Variants in PLEKHD1 observed in about 807,000 individuals in gnomAD.
PLEKHD1 encodes pleckstrin homology and coiled-coil domain containing D1.
Under a neutral mutation model 69.2 loss-of-function variants are expected in PLEKHD1, and 51 were observed. The observed-to-expected ratio is 0.74, with a 90% CI of 0.59 to 0.93. The LOEUF (loss-of-function observed/expected upper bound fraction) is 0.93, where lower values mean the gene tolerates loss of function less well. Among genes scored for constraint, PLEKHD1 ranks in the 40% least tolerant of loss-of-function variants. The pLI, the probability that PLEKHD1 is intolerant of heterozygous loss-of-function variation, is 0.00. For synonymous variants in PLEKHD1, 236 were observed against 244.7 expected (o/e 0.96, Z 0.33); for missense variants, 584 against 641.0 (o/e 0.91, Z 0.96).
At chr14:69,472,329 C>A in the PLEKHD1 span, among the ~76,000 whole-genome samples, 1 of 152,182 alleles carries the variant, frequency 6.6e-6, no homozygotes. Flanking sequence ...AAGTAAGCAA[C>A]CTTGAGTCTT....
upstream of PLEKHD1, among the ~76,000 whole-genome samples, chr14:69,484,447 G>A (rs1234630508): frequency 6.6e-6 from 1 of 152,192 alleles, no homozygotes; most frequent in Non-Finnish European, 1.5e-5. Context: ...TGCTCGCCGA[G>A]AGGGACCCCG....
chr14:69,498,033 T>TTTTAA (rs1882925072), intron 1 of PLEKHD1, among the ~76,000 whole-genome samples: 1 of 135,422 alleles, frequency 7.4e-6, no homozygotes. Context: ...TTTTATTTTG[T>TTTTAA]TTTATTTTAT....
chr14:69,520,633 G>A (rs535498177), intron 6 of PLEKHD1, among the ~76,000 whole-genome samples: 7 of 152,252 alleles, frequency 4.6e-5, no homozygotes, highest in Non-Finnish European at 1.0e-4. Flanking sequence ...GGAGGCTGGA[G>A]CAGGAGAATT....
chr14:69,509,104 A>G (rs1883215648), intron 6 of PLEKHD1, among the ~76,000 whole-genome samples: 1 of 152,104 alleles, frequency 6.6e-6, no homozygotes, highest in Non-Finnish European at 1.5e-5. Flanking sequence ...AACACAAGTG[A>G]TCCTCCCACT....
Position 69,526,741 on chromosome 14 carries a change from G to T in PLEKHD1, c.968G>T (p.Arg323Leu). 1 of 1,547,696 alleles carries T rather than the reference G, an allele frequency of 6.5e-7. No individual in the cohort carries two copies. Among genetic ancestry groups the T allele is most frequent in the South Asian group, 1.2e-5 (1 of 83,684 alleles). The stretch of plus-strand genomic sequence containing the variant: ...CGCTCACGGGCCCTGGAGGAGGAGC[G>T]TGAGTTCTACTCCAGCCAGTCCCAG... Reference protein sequence around the residue: ...EERSRALEEEREFYSSQSQAL... With the variant: ...EERSRALEEELEFYSSQSQAL... Residue 323 changes from arginine (R) to leucine (L), a missense_variant, in exon 10 of 13, where the codon CGT becomes CTT. By Grantham distance (102) the Arg-to-Leu change is moderately radical (BLOSUM62 -2). Transcript: ENST00000322564.
At chr14:69,487,182 AACACACACAC>A (rs199671230) in intron 1 of PLEKHD1, among the ~76,000 whole-genome samples, 1,775 of 140,446 alleles carry the variant, frequency 0.013, 21 homozygotes, top group African/African-American at 0.032. Context: ...GGGAATACAC[AACACACACAC>A]ACACACACAC....
intron 1 of PLEKHD1, among the ~76,000 whole-genome samples, chr14:69,496,806 C>A (rs1359815471): frequency 6.6e-6 from 1 of 151,038 alleles, no homozygotes; most frequent in African/African-American, 2.4e-5. Flanking sequence ...TTCAGCCTTC[C>A]AAACTGTCAT....
At chr14:69,472,776 C>A in the PLEKHD1 span, among the ~76,000 whole-genome samples, 4 of 152,198 alleles carry the variant, frequency 2.6e-5, no homozygotes, top group Non-Finnish European at 5.9e-5. Flanking sequence ...TAAGTGCACT[C>A]TATGGCAGGG....
chr14:69,515,930 T>G (rs1267234140), intron 6 of PLEKHD1, among the ~76,000 whole-genome samples: 2 of 152,254 alleles, frequency 1.3e-5, no homozygotes, highest in Non-Finnish European at 2.9e-5. Flanking sequence ...TTTTCAATTT[T>G]GGGAATAGAA....
chr14:69,512,364 G>A (rs1033775127), intron 6 of PLEKHD1, among the ~76,000 whole-genome samples: 1 of 151,630 alleles, frequency 6.6e-6, no homozygotes, highest in Non-Finnish European at 1.5e-5. Flanking sequence ...GATTTTCTGT[G>A]TTGATTTCCT....
rs1353687653 is a variant in PLEKHD1, at chr14:69,527,914, A to T, written c.1333A>T (p.Ser445Cys). The T allele has an allele frequency of 1.9e-6, 3 of 1,551,488 alleles. No individual in the cohort carries two copies. Among genetic ancestry groups the T allele is most frequent in the Non-Finnish European group, 2.6e-6 (3 of 1,147,010 alleles). The change falls in exon 12 of 13, where the codon AGC (serine) becomes TGC (cysteine). Residue 445 changes from serine to cysteine, a missense_variant. Coordinates refer to ENST00000322564, the MANE Select transcript of PLEKHD1 (RefSeq NM_001161498.2). The part of the protein sequence containing the change: ...KSCRFHRRRS[S>C]TSWNDMKPSQ... ...CTGCCGCTTCCACCGACGCCGGTCCAGCACCTCCTGGAATGACAGTGAGTG... is the reference window on the plus strand; with the variant it reads ...CTGCCGCTTCCACCGACGCCGGTCCTGCACCTCCTGGAATGACAGTGAGTG...
chr14:69,481,983 A>G (rs1882549297), upstream of PLEKHD1, among the ~76,000 whole-genome samples: 1 of 152,192 alleles, frequency 6.6e-6, no homozygotes, highest in Non-Finnish European at 1.5e-5. Context: ...GGAAGCAGAA[A>G]CAGCTTCTCC....
chr14:69,498,229 C>A (rs1006016317), intron 1 of PLEKHD1, among the ~76,000 whole-genome samples: 1 of 151,826 alleles, frequency 6.6e-6, no homozygotes, highest in Non-Finnish European at 1.5e-5. Flanking sequence ...CAGGCCTGAG[C>A]CACCACACCT....
chr14:69,518,572 G>A (rs1312696769), intron 6 of PLEKHD1, among the ~76,000 whole-genome samples: 1 of 152,144 alleles, frequency 6.6e-6, no homozygotes, highest in Non-Finnish European at 1.5e-5. Flanking sequence ...ACTGTATTAA[G>A]TCTTCCTAAC....
chr14:69,527,282 G>A lies in PLEKHD1; in HGVS notation c.1151G>A (p.Arg384Gln), dbSNP rs530372706. 35 of 1,551,832 alleles carry A rather than the reference G, an allele frequency of 2.3e-5. No individual in the cohort carries two copies. The highest frequency in any genetic ancestry group is 1.7e-4 in the Middle Eastern group (1 of 5,994). ...GAACAGGGGCTGAATTCCAAGGTGCGGAATAAGGAGAAGGAGGAGAGGATG... is the reference window on the plus strand; with the variant it reads ...GAACAGGGGCTGAATTCCAAGGTGCAGAATAAGGAGAAGGAGGAGAGGATG... ...SLEQGLNSKV[R>Q]NKEKEERMRA... The change falls in exon 11 of 13, where the codon CGG (arginine) becomes CAG (glutamine). Residue 384 changes from arginine (R) to glutamine (Q), a missense_variant. Physicochemically the swap from Arg to Gln is conservative, Grantham distance 43. Transcript: ENST00000322564.
Position 69,530,284 on chromosome 14 carries a change from CTT to C in PLEKHD1, c.*1867_*1868del, listed in dbSNP as rs1434242692. On this transcript the variant is annotated 3_prime_UTR_variant, in exon 13 of 13. Transcript: ENST00000322564. ...GTGGTTCCTTTCAGTGATGGGTGGA[CTT>C]TGGTGGCTTCATACAGTCTCTGCAG... The C allele has an allele frequency of 6.6e-6, 1 of 152,358 alleles. No homozygotes were observed. Among genetic ancestry groups the C allele is most frequent in the East Asian group, 1.9e-4 (1 of 5,186 alleles). The allele number at this position is 152,358 out of a possible 1,614,324, so 9.4% of individuals were successfully genotyped here. A position where few individuals can be genotyped will look rare whatever the true frequency, so the allele number is the denominator to read the frequency against.
chr14:69,481,071 A>G (rs193060955), upstream of PLEKHD1, among the ~76,000 whole-genome samples: 21 of 152,370 alleles, frequency 1.4e-4, 1 homozygote, highest in East Asian at 3.5e-3. Context: ...GGACTATCAC[A>G]TCTGCCTGCA....
chr14:69,510,108 A>G (rs1043447139), intron 6 of PLEKHD1, among the ~76,000 whole-genome samples: 14 of 152,182 alleles, frequency 9.2e-5, no homozygotes, highest in Admixed American at 7.9e-4. Flanking sequence ...CTGTAGCTTT[A>G]TAGTAAGTCT....
intron 7 of PLEKHD1, 118 bp downstream of exon 7, chr14:69,522,495 G>C: frequency 4.6e-6 from 5 of 1,096,324 alleles, no homozygotes; most frequent in Non-Finnish European, 6.5e-6. Flanking sequence ...AAGGCTCCAG[G>C]CTTGGGTCTA....
Sources: gnomAD v4.1 joint callset for allele counts (sites outside exome capture counted in the v4.1 genomes callset) on GRCh38, gnomAD v4.1.1 for gene constraint, MANE v1.5 for transcripts, NCBI Gene and HGNC (gene_info 2026-07-23, HGNC 2026-07-21) for gene names.